The following MARCHF4 variants were observed in gnomAD, a reference collection of about 807,000 sequenced individuals.
MARCHF4 encodes the protein E3 ubiquitin-protein ligase MARCHF4.
In MARCHF4, 14 loss-of-function variants were observed where a neutral mutation model predicts 43.9. That is an observed-to-expected ratio of 0.32 (90% CI 0.21 to 0.50). The LOEUF (loss-of-function observed/expected upper bound fraction) is 0.50. MARCHF4 is among the 20% of genes least tolerant of loss of function. The pLI is 0.98. For synonymous variants in MARCHF4, 226 were observed against 213.3 expected, an observed-to-expected ratio of 1.06 and a Z score of -0.52; for missense variants, 468 against 536.7, an observed-to-expected ratio of 0.87 and a Z score of 1.27.
At chr2:216,320,615 CTTTCTT>C (rs1691866300) in intron 1 of MARCHF4, among the ~76,000 whole-genome samples, 2 of 39,678 alleles carry the variant, frequency 5.0e-5, no homozygotes, top group African/African-American at 1.2e-4. Context: ...CTTTTTCTTT[CTTTCTT>C]TCTTTCTTTC....
At chr2:216,352,692 G>A (rs1033208445) in intron 1 of MARCHF4, among the ~76,000 whole-genome samples, 1 of 152,052 alleles carries the variant, frequency 6.6e-6, no homozygotes, top group African/African-American at 2.4e-5. Flanking sequence ...CCTTCGACCT[G>A]GAGCGTGTTC....
intron 1 of MARCHF4, among the ~76,000 whole-genome samples, chr2:216,284,002 G>A (rs1291226387): frequency 1.3e-5 from 2 of 152,196 alleles, no homozygotes; most frequent in African/African-American, 4.8e-5. Context: ...CTACGAACAT[G>A]AGCGGGCTGG....
chr2:216,349,519 G>A (rs186480821), intron 1 of MARCHF4, among the ~76,000 whole-genome samples: 122 of 152,304 alleles, frequency 8.0e-4, no homozygotes, highest in African/African-American at 2.6e-3. Context: ...CAGAGCAGGC[G>A]GCCTGCACTG....
chr2:216,277,839 A>G lies in MARCHF4; in HGVS notation c.698T>C (p.Ile233Thr). ...LQWQAISLTV[I>T]EKVQVAAAIL... ...GGCGGCTGCAACCTGAACCTTCTCA[A>G]TGACCGTCAGAGAGATGGCCTGCCA... is the stretch of plus-strand genomic sequence containing the variant. The change falls in exon 3 of 4, where the codon ATT becomes ACT. Residue 233 changes from isoleucine to threonine, a missense_variant. By Grantham distance (89) the Ile-to-Thr change is moderately conservative. Transcript: ENST00000273067. 6.2e-7 allele frequency: 1 copy of G among 1,613,608 alleles called. No individual in the cohort carries two copies.
At chr2:216,296,951 C>T (rs1027202066) in intron 1 of MARCHF4, among the ~76,000 whole-genome samples, 3 of 152,168 alleles carry the variant, frequency 2.0e-5, no homozygotes, top group Non-Finnish European at 4.4e-5. Flanking sequence ...ATTGATGCCT[C>T]GTCGTTCTCA....
chr2:216,311,742 T>C (rs1691690493), intron 1 of MARCHF4, among the ~76,000 whole-genome samples: 1 of 152,204 alleles, frequency 6.6e-6, no homozygotes, highest in South Asian at 2.1e-4. Flanking sequence ...TAAGGACTTC[T>C]GTAAGGTTCT....
At chr2:216,306,153 T>G (rs955498441) in intron 1 of MARCHF4, among the ~76,000 whole-genome samples, 1 of 152,234 alleles carries the variant, frequency 6.6e-6, no homozygotes, top group African/African-American at 2.4e-5. Context: ...CATGCAAAGT[T>G]TTAATTGAAA....
intron 2 of MARCHF4, among the ~76,000 whole-genome samples, chr2:216,280,279 G>A (rs1180508112): frequency 1.3e-5 from 2 of 152,066 alleles, no homozygotes; most frequent in South Asian, 4.2e-4. Context: ...AGTATCATGA[G>A]GTTTCTCCAT....
In MARCHF4 at chr2:216,297,997, A is replaced by G. The variant is rs145278845; in HGVS notation, c.517-14268T>C. Among the ~76,000 whole-genome samples, 591 of 152,206 alleles carry G rather than the reference A, an allele frequency of 3.9e-3. 12 individuals carry two copies. In the East Asian group the frequency reaches 0.043, roughly 11 times the overall value. ...ACTTAATTAATAGCTGGTATATAACATATTACCTTTTTTATTTCAGATGAC... is the reference window on the plus strand; with the variant it reads ...ACTTAATTAATAGCTGGTATATAACGTATTACCTTTTTTATTTCAGATGAC... On this transcript the variant is annotated intron_variant, in intron 1 of 3. Transcript: ENST00000273067.
chr2:216,311,354 T>C (rs1166759411), intron 1 of MARCHF4, among the ~76,000 whole-genome samples: 3 of 152,080 alleles, frequency 2.0e-5, no homozygotes, highest in African/African-American at 7.2e-5. Flanking sequence ...GCCTCCCAAG[T>C]TCAAGTGATT....
At chr2:216,323,405 G>A (rs1691937784) in intron 1 of MARCHF4, among the ~76,000 whole-genome samples, 1 of 152,090 alleles carries the variant, frequency 6.6e-6, no homozygotes, top group Admixed American at 6.6e-5. Flanking sequence ...ACAGATCAAC[G>A]AGACAGAAAG....
chr2:216,291,902 G>A lies in MARCHF4; in HGVS notation c.517-8173C>T, dbSNP rs78075298. Among the ~76,000 whole-genome samples, 62 of 152,310 alleles carry A rather than the reference G, an allele frequency of 4.1e-4. No individual in the cohort carries two copies. In the East Asian group the frequency reaches 5.2e-3, roughly 13 times the overall value. ...ATGGAAAAGGAGGGCTCTGGAACCCGTCTGTCCACCAAATTTACCCACATC... is the reference window on the plus strand; with the variant it reads ...ATGGAAAAGGAGGGCTCTGGAACCCATCTGTCCACCAAATTTACCCACATC... On this transcript the variant is annotated intron_variant, in intron 1 of 3. Transcript: ENST00000273067.
intron 3 of MARCHF4, among the ~76,000 whole-genome samples, chr2:216,265,023 G>A (rs559362171): frequency 6.6e-6 from 1 of 152,294 alleles, no homozygotes; most frequent in Non-Finnish European, 1.5e-5. Flanking sequence ...GAAGATGACT[G>A]GGGCTCATCT....
At position 216,258,806 on chromosome 2, in the gene MARCHF4, G is replaced by A. The variant is rs544439017; in HGVS notation, c.*506C>T. On this transcript the variant is annotated 3_prime_UTR_variant, in exon 4 of 4. Transcript: ENST00000273067. ...CTTGCCCATCCAAATGAGCCCAGGA[G>A]CCCCAAAGGCAGTGTGTCCCTGCCA... 103 of 153,238 alleles carry A rather than the reference G, an allele frequency of 6.7e-4. 1 individual carries two copies. Among genetic ancestry groups the A allele is most frequent in the Admixed American group, 1.7e-3 (26 of 15,366 alleles). 9.5% of individuals were successfully genotyped at this position (153,238 alleles called of 1,614,324 possible).
intron 1 of MARCHF4, among the ~76,000 whole-genome samples, 185 bp from the exon 2 acceptor site, chr2:216,283,914 C>A (rs1377062168): frequency 6.6e-6 from 1 of 152,182 alleles, no homozygotes; most frequent in Admixed American, 6.5e-5. Context: ...AGAGCCAAAC[C>A]ATGTTGGTCA....
chr2:216,272,680 C>A (rs1690958902), intron 3 of MARCHF4, among the ~76,000 whole-genome samples: 2 of 152,190 alleles, frequency 1.3e-5, no homozygotes, highest in Admixed American at 1.3e-4. Context: ...TCTTTTGGGG[C>A]TAATCGGTTT....
At position 216,370,378 on chromosome 2, in the gene MARCHF4, T is replaced by G; in HGVS notation, c.-118A>C. 1 of 744,462 alleles carries G rather than the reference T, an allele frequency of 1.3e-6. No individual in the cohort carries two copies. Among genetic ancestry groups the G allele is most frequent in the Non-Finnish European group, 2.1e-6 (1 of 480,432 alleles). 46.1% of individuals were successfully genotyped at this position (744,462 alleles called of 1,614,324 possible). On this transcript the variant is annotated 5_prime_UTR_variant, in exon 1 of 4. Transcript: ENST00000273067. ...TTGTGGGGGGAGTCTGCTTTCTCAC[T>G]GGCTTTTCTTACAACCCCTCCAAGT...
chr2:216,363,684 G>A (rs1354696508), intron 1 of MARCHF4, among the ~76,000 whole-genome samples: 2 of 152,056 alleles, frequency 1.3e-5, no homozygotes, highest in East Asian at 1.9e-4. Context: ...GTCCATAATG[G>A]TGTCTGTTGC....
chr2:216,338,316 A>G (rs1036770633), intron 1 of MARCHF4, among the ~76,000 whole-genome samples: 6 of 152,300 alleles, frequency 3.9e-5, no homozygotes, highest in African/African-American at 1.4e-4. Context: ...GGCAATCTAC[A>G]CTACCTAGAC....
Sources: gnomAD v4.1 joint callset for allele counts (sites outside exome capture counted in the v4.1 genomes callset) on GRCh38, gnomAD v4.1.1 for gene constraint, MANE v1.5 for transcripts, NCBI Gene and HGNC (gene_info 2026-07-23, HGNC 2026-07-21) for gene names.